Variants in AGBL1 observed in about 807,000 individuals in gnomAD.
AGBL1 encodes cytosolic carboxypeptidase 4.
A neutral mutation model predicts 118.9 loss-of-function variants in AGBL1; 130 were observed. The ratio of observed to expected loss-of-function variants is 1.09; its 90% CI spans 0.95 to 1.26. The LOEUF (loss-of-function observed/expected upper bound fraction) is 1.26, where lower values mean the gene tolerates loss of function less well. AGBL1 is among the 50% of genes most tolerant of loss of function. The probability of loss-of-function intolerance (pLI) is 0.00; values close to 1 mark genes in which losing one functional copy is unlikely to be tolerated. For missense variants in AGBL1, 1,584 were observed against 1,298.1 expected (o/e 1.22, Z -3.38); for synonymous variants, 555 against 478.9 (o/e 1.16, Z -2.08).
At chr15:86,094,386 T>G (rs1490038007) in intron 1 of AGBL1, among the ~76,000 whole-genome samples, 1 of 152,178 alleles carries the variant, frequency 6.6e-6, no homozygotes, top group African/African-American at 2.4e-5. Flanking sequence ...TTTAATGACA[T>G]GGTATTTTGA....
At chr15:86,412,667 A>G (rs1297807139) in intron 18 of AGBL1, among the ~76,000 whole-genome samples, 2 of 152,200 alleles carry the variant, frequency 1.3e-5, no homozygotes, top group African/African-American at 4.8e-5. Context: ...GTGCCCTTCT[A>G]AGTTGCTCTA....
intron 22 of AGBL1, among the ~76,000 whole-genome samples, chr15:86,733,833 G>A (rs2077558890): frequency 6.6e-6 from 1 of 152,086 alleles, no homozygotes; most frequent in African/African-American, 2.4e-5. Context: ...TATCCTTTAT[G>A]GGAACTTCTT....
At chr15:86,502,447 T>G (rs961095357) in intron 18 of AGBL1, among the ~76,000 whole-genome samples, 1 of 151,506 alleles carries the variant, frequency 6.6e-6, no homozygotes, top group African/African-American at 2.4e-5. Context: ...ATAATTTCTC[T>G]GGCTAGGATC....
At chr15:86,922,172 C>T (rs2080487816) in intron 23 of AGBL1, among the ~76,000 whole-genome samples, 2 of 152,112 alleles carry the variant, frequency 1.3e-5, no homozygotes, top group Non-Finnish European at 1.5e-5. Flanking sequence ...AAGTTGATTT[C>T]AAAAATAGTA....
intron 1 of AGBL1, among the ~76,000 whole-genome samples, chr15:86,118,912 A>G (rs1897927900): frequency 6.6e-6 from 1 of 152,240 alleles, no homozygotes; most frequent in African/African-American, 2.4e-5. Context: ...TGCTTACCAG[A>G]CAGGGTACCA....
At chr15:86,244,903 A>G (rs1443536828) in intron 6 of AGBL1, among the ~76,000 whole-genome samples, 2 of 152,200 alleles carry the variant, frequency 1.3e-5, no homozygotes, top group Non-Finnish European at 2.9e-5. Context: ...CCTTCAGGCA[A>G]TAAATAACTC....
At chr15:86,125,988 T>C (rs561857063) in intron 1 of AGBL1, among the ~76,000 whole-genome samples, 1 of 152,296 alleles carries the variant, frequency 6.6e-6, no homozygotes, top group Non-Finnish European at 1.5e-5. Flanking sequence ...TTATGACCTA[T>C]GAAAATTGTG....
chr15:86,970,986 T>C (rs1166450630), intron 23 of AGBL1, among the ~76,000 whole-genome samples: 1 of 152,058 alleles, frequency 6.6e-6, no homozygotes, highest in Non-Finnish European at 1.5e-5. Context: ...ATTTAAAGTA[T>C]ACAGGAGAAT....
At chr15:86,759,335 T>A (rs2077989804) in intron 22 of AGBL1, among the ~76,000 whole-genome samples, 1 of 152,218 alleles carries the variant, frequency 6.6e-6, no homozygotes, top group East Asian at 1.9e-4. Context: ...TTAATAGGCA[T>A]GTGATTTGGT....
At chr15:86,508,992 G>T (rs116287937) in intron 18 of AGBL1, among the ~76,000 whole-genome samples, 2,064 of 152,146 alleles carry the variant, frequency 0.014, 41 homozygotes, top group African/African-American at 0.047. Flanking sequence ...TTAAATACTG[G>T]TATCACCCTT....
intron 23 of AGBL1, among the ~76,000 whole-genome samples, chr15:86,924,418 C>T (rs990491891): frequency 3.7e-4 from 57 of 152,298 alleles, no homozygotes; most frequent in African/African-American, 1.3e-3. Flanking sequence ...TTATAGTCAG[C>T]AAATTACTTT....
intron 1 of AGBL1, 57 bp from the exon 2 acceptor site, chr15:86,141,947 T>C: frequency 6.7e-7 from 1 of 1,500,088 alleles, no homozygotes; most frequent in Non-Finnish European, 9.0e-7. Flanking sequence ...ACATCCCTGA[T>C]CATCCAACTC....
chr15:86,468,915 C>T (rs1056067701), intron 18 of AGBL1, among the ~76,000 whole-genome samples: 3 of 151,966 alleles, frequency 2.0e-5, no homozygotes, highest in African/African-American at 4.8e-5. Flanking sequence ...GCAGAGGGGC[C>T]TATGATTGAC....
At chr15:86,123,528 C>A (rs903924983) in intron 1 of AGBL1, among the ~76,000 whole-genome samples, 2 of 152,192 alleles carry the variant, frequency 1.3e-5, no homozygotes, top group South Asian at 2.1e-4. Flanking sequence ...GCGTGAGATA[C>A]CACGCCCACC....
intron 24 of AGBL1, among the ~76,000 whole-genome samples, chr15:87,022,516 G>C (rs2081676411): frequency 6.6e-6 from 1 of 152,092 alleles, no homozygotes; most frequent in South Asian, 2.1e-4. Flanking sequence ...ATATCTAAAA[G>C]TTTGGAAAAT....
intron 22 of AGBL1, among the ~76,000 whole-genome samples, chr15:86,889,457 C>G (rs773960482): frequency 6.6e-6 from 1 of 152,024 alleles, no homozygotes; most frequent in Non-Finnish European, 1.5e-5. Flanking sequence ...TGAACATGTG[C>G]TATGGTGGTT....
chr15:86,904,284 C>T (rs752395764), intron 22 of AGBL1, among the ~76,000 whole-genome samples: 11 of 152,100 alleles, frequency 7.2e-5, no homozygotes, highest in South Asian at 2.1e-4. Context: ...TCCTGAGGCC[C>T]TGATACGGTC....
Position 86,274,167 on chromosome 15 carries a change from A to G in AGBL1, c.2075+2461A>G, listed in dbSNP as rs181031950. 5.5e-3 allele frequency among the ~76,000 whole-genome samples: 838 copies of G among 152,352 alleles called. 5 individuals carry two copies. Among genetic ancestry groups the G allele is most frequent in the African/African-American group, 0.019 (810 of 41,588 alleles). On this transcript the variant is annotated intron_variant, in intron 15 of 22. Transcript: ENST00000614907. ...AAAGATGAAATAAATAATAGTTTAT[A>G]TCTACCTAATTGTTACATCTTTATG...
At chr15:86,635,448 C>T (rs1235154263) in intron 21 of AGBL1, among the ~76,000 whole-genome samples, 1 of 151,372 alleles carries the variant, frequency 6.6e-6, no homozygotes, top group Non-Finnish European at 1.5e-5. Flanking sequence ...AACTGCGATT[C>T]AGGTTGCTGT....
Sources: allele counts gnomAD v4.1 joint callset (sites outside exome capture counted in the v4.1 genomes callset), GRCh38; gene constraint gnomAD v4.1.1; transcripts MANE v1.5; gene names NCBI Gene and HGNC (gene_info 2026-07-23, HGNC 2026-07-21).